BAG6: variants seen among roughly 807,000 people sequenced by gnomAD.
BAG6 encodes the protein large proline-rich protein BAG6.
In BAG6, 22 loss-of-function variants were observed where a neutral mutation model predicts 121.0. That is an observed-to-expected ratio of 0.18 (90% CI 0.13 to 0.26). The LOEUF (loss-of-function observed/expected upper bound fraction) is 0.26. Among genes scored for constraint, BAG6 ranks in the 10% least tolerant of loss-of-function variants. The pLI is 1.00. For missense variants in BAG6, 1,233 were observed against 1,537.7 expected, an observed-to-expected ratio of 0.80 and a Z score of 3.31; for synonymous variants, 583 against 584.6, an observed-to-expected ratio of 1.00 and a Z score of 0.04.
In BAG6 at chr6:31,643,038, T is replaced by C. The variant is rs761609461; in HGVS notation, c.1834A>G (p.Thr612Ala). ...SASAGTTNTATTAGPAPGGPA... is the reference protein window; with the variant it reads ...SASAGTTNTAATAGPAPGGPA... ...CCCCCAGGAGCGGGGCCAGCTGTGG[T>C]AGCTGTGTTGGTGGTGCCAGCACTG... The change falls in exon 15 of 26, where the codon ACC (threonine) becomes GCC (alanine). Residue 612 changes from threonine to alanine, a missense_variant. This residue lies in a region of BAG6 where 777 missense variants were observed against 861.4 expected (regional missense o/e 0.90). Transcript: ENST00000676615. 2 of 1,588,740 alleles carry C rather than the reference T, an allele frequency of 1.3e-6. No homozygotes were observed. Among genetic ancestry groups the C allele is most frequent in the Non-Finnish European group, 1.7e-6 (2 of 1,169,324 alleles).
At chr6:31,647,017 C>G (rs978616559) in intron 7 of BAG6, among the ~76,000 whole-genome samples, 3 of 152,126 alleles carry the variant, frequency 2.0e-5, no homozygotes, top group Admixed American at 6.5e-5. Flanking sequence ...TCATGATCCA[C>G]CCGCCTCGGC....
Position 31,644,487 on chromosome 6 carries a change from AC to A in BAG6, c.1447+37del, listed in dbSNP as rs1365908432. ...ACCCACTCAGCCCTTCCCTTTCTCT[AC>A]CCAGAGCTCAGCCTGCCCTGATGCC... On this transcript the variant is annotated intron_variant, in intron 11 of 25. Transcript: ENST00000676615. This position sits in a 1 kb window ranked among gnomAD's most constrained non-coding sequence, Gnocchi z 4.9. The A allele has an allele frequency of 6.3e-7, 1 of 1,591,022 alleles. No homozygotes were observed. The highest frequency in any genetic ancestry group is 2.2e-5 in the East Asian group (1 of 44,698).
chr6:31,648,233 T>A (rs976786472), intron 6 of BAG6, among the ~76,000 whole-genome samples: 4 of 152,022 alleles, frequency 2.6e-5, no homozygotes, highest in African/African-American at 9.7e-5. Context: ...CCAGGCTGGA[T>A]TGGAACTCCT....
At position 31,644,241 on chromosome 6, in the gene BAG6, C is replaced by A. The variant is rs1298393473; in HGVS notation, c.1556-47G>T. ...GACCGAAGAGGGCTGAGGGCCAGGCCCTTGCCAGCCAGCTGCCACCATGGA... is the reference window on the plus strand; with the variant it reads ...GACCGAAGAGGGCTGAGGGCCAGGCACTTGCCAGCCAGCTGCCACCATGGA... On this transcript the variant is annotated intron_variant, in intron 12 of 25. Transcript: ENST00000676615. The surrounding 1 kb of genome is among the most constrained non-coding windows in gnomAD (Gnocchi z 4.9). The A allele has an allele frequency of 6.3e-7, 1 of 1,580,336 alleles. No homozygotes were observed. The highest frequency in any genetic ancestry group is 1.4e-5 in the African/African-American group (1 of 74,018).
At position 31,649,357 on chromosome 6, in the gene BAG6, G is replaced by A; in HGVS notation, c.265C>T (p.Pro89Ser). 1 of 1,610,478 alleles carries A rather than the reference G, an allele frequency of 6.2e-7. No homozygotes were observed. The highest frequency in any genetic ancestry group is 8.5e-7 in the Non-Finnish European group (1 of 1,178,450). ...CCAGAAGGGAGGTGAGTCTGAGGAG[G>A]AGCCCGTTCCACCAGGTGGATAACC... is the stretch of plus-strand genomic sequence containing the variant. ...GKVIHLVERA[P>S]PQTHLPSGAS... The change falls in exon 4 of 26, where the codon CCT (proline) becomes TCT (serine). Residue 89 changes from proline (P) to serine (S), a missense_variant. By Grantham distance (74) the Pro-to-Ser change is moderately conservative (BLOSUM62 -1). This residue lies in a region of BAG6 where 777 missense variants were observed against 861.4 expected (regional missense o/e 0.90). Transcript: ENST00000676615.
At chr6:31,639,723 G>A in intron 24 of BAG6, 77 bp from the exon 25 acceptor site, 4 of 1,499,620 alleles carry the variant, frequency 2.7e-6, no homozygotes, top group Non-Finnish European at 2.7e-6. Context: ...CCCTTTCCAT[G>A]AGTCAACCAC....
rs769668526 is a variant in BAG6 at position 31,644,104 on chromosome 6, C to A, written c.1646G>T (p.Gly549Val). Residue 549 changes from glycine (G) to valine (V), a missense_variant, in exon 13 of 26, where the codon GGG becomes GTG. Gly to Val is a moderately radical substitution (Grantham distance 109, BLOSUM62 -3). Around this residue, in one of 7 missense-constraint regions of BAG6, gnomAD observed 777 missense variants for 861.4 expected, o/e 0.90. Coordinates refer to ENST00000676615, the MANE Select transcript of BAG6 (RefSeq NM_001387994.1). The surrounding 1 kb of genome is among the most constrained non-coding windows in gnomAD (Gnocchi z 4.9). ...PPQARPSHPG[G>V]PPVSGTLQGA... ...CACCAGTGTCCCAGAGACTGGGGGC[C>A]CTCCAGGATGGGAAGGCCGAGCCTG... 6.2e-7 allele frequency: 1 copy of A among 1,613,912 alleles called. No individual in the cohort carries two copies. The highest frequency in any genetic ancestry group is 8.5e-7 in the Non-Finnish European group (1 of 1,179,882).
rs771749273 is a variant in BAG6 at position 31,644,261 on chromosome 6, C to T, written c.1555+46G>A. Reference sequence around the variant, plus strand: ...CAGGCCCTTGCCAGCCAGCTGCCACCATGGACTGTGCCCTACCTCCCAAGC... The same window carrying T: ...CAGGCCCTTGCCAGCCAGCTGCCACTATGGACTGTGCCCTACCTCCCAAGC... On this transcript the variant is annotated intron_variant, in intron 12 of 25. Coordinates refer to ENST00000676615, the MANE Select transcript of BAG6 (RefSeq NM_001387994.1). This position sits in a 1 kb window ranked among gnomAD's most constrained non-coding sequence, Gnocchi z 4.9. 6.4e-7 allele frequency: 1 copy of T among 1,563,490 alleles called. No homozygotes were observed. Among genetic ancestry groups the T allele is most frequent in the South Asian group, 1.2e-5 (1 of 85,870 alleles).
chr6:31,644,392 G>A lies in BAG6; in HGVS notation c.1470C>T (p.Pro490=). ...QTLGSTLIQL[P]SLPPEFMHAV... is the part of the protein sequence containing the mutation. ...CGTGCATGAACTCAGGGGGCAGGGA[G>A]GGCAGCTGGATGAGGGTGGAGCCTG... The change falls in exon 12 of 26, where the codon CCC becomes CCT. Residue 490 remains proline (P), a synonymous_variant. Coordinates refer to ENST00000676615, the MANE Select transcript of BAG6 (RefSeq NM_001387994.1). This position sits in a 1 kb window ranked among gnomAD's most constrained non-coding sequence, Gnocchi z 4.9. 2.6e-6 allele frequency: 4 copies of A among 1,551,962 alleles called. No individual in the cohort carries two copies. Among genetic ancestry groups the A allele is most frequent in the South Asian group, 1.2e-5 (1 of 83,982 alleles).
chr6:31,642,550 G>T, intron 15 of BAG6, 147 bp from the exon 16 acceptor site: 1 of 632,486 alleles, frequency 1.6e-6, no homozygotes, highest in South Asian at 1.9e-5. Flanking sequence ...GCAGAAGTAT[G>T]GTAGGTATTT....
chr6:31,646,310 GGAAA>G lies in BAG6; in HGVS notation c.918+80_918+83del, dbSNP rs957825975. 7.5e-5 allele frequency: 116 copies of G among 1,537,538 alleles called. No homozygotes were observed. In the African/African-American group the frequency reaches 1.5e-3, roughly 20 times the overall value. On this transcript the variant is annotated intron_variant, in intron 8 of 25. Transcript: ENST00000676615. The stretch of plus-strand genomic sequence containing the variant: ...CCTGTTGCAATGTTTTTCCAGGGAG[GGAAA>G]GAGTTATCTGCATTTCAGCCTGTTC...
At chr6:31,648,218 G>T (rs911317797) in intron 6 of BAG6, among the ~76,000 whole-genome samples, 3 of 152,060 alleles carry the variant, frequency 2.0e-5, no homozygotes, top group Non-Finnish European at 4.4e-5. Flanking sequence ...GTTTCACCAT[G>T]TTGGCCAGGC....
At chr6:31,649,648 C>T (rs772450495) in intron 2 of BAG6, 21 bp from the exon 3 acceptor site, 2 of 1,598,752 alleles carry the variant, frequency 1.3e-6, no homozygotes, top group Non-Finnish European at 1.7e-6. Flanking sequence ...GAGGCATGCA[C>T]AGGAATGGAA....
chr6:31,642,115 G>C lies in BAG6; in HGVS notation c.2332C>G (p.Leu778Val), dbSNP rs745957031. 3.7e-6 allele frequency: 6 copies of C among 1,611,044 alleles called. No individual in the cohort carries two copies. The South Asian group carries it at 6.6e-5, about 18-fold the overall frequency. ...CCAAAGCATCCTTTTTGCTCACCAAGGGCCCCATCAGCTCCAGGCTCAAAG... is the reference window on the plus strand; with the variant it reads ...CCAAAGCATCCTTTTTGCTCACCAACGGCCCCATCAGCTCCAGGCTCAAAG... ...NIFEPGADGA[L>V]GFFGALLSLL... Residue 778 changes from leucine (L) to valine (V), a missense_variant, in exon 16 of 26, where the codon CTT becomes GTT. Around this residue, in one of 7 missense-constraint regions of BAG6, gnomAD observed 288 missense variants for 483.1 expected, o/e 0.60. Coordinates refer to ENST00000676615, the MANE Select transcript of BAG6 (RefSeq NM_001387994.1).
Position 31,640,130 on chromosome 6 carries a change from A to G in BAG6, c.3246+69T>C, listed in dbSNP as rs922261963. On this transcript the variant is annotated intron_variant, in intron 24 of 25. Transcript: ENST00000676615. The surrounding 1 kb of genome is among the most constrained non-coding windows in gnomAD (Gnocchi z 4.2). ...TAACAAGAGCTCCCACCATCTCTAC[A>G]TAGTTTGATTCCAGGCATGACGGGG... 10 of 1,487,276 alleles carry G rather than the reference A, an allele frequency of 6.7e-6. No homozygotes were observed. The African/African-American group carries it at 6.9e-5, about 10-fold the overall frequency. 92.1% of individuals were successfully genotyped at this position (1,487,276 alleles called of 1,614,324 possible).
intron 14 of BAG6, among the ~76,000 whole-genome samples, chr6:31,643,666 G>A (rs2150780079): frequency 7.5e-6 from 1 of 133,684 alleles, no homozygotes; most frequent in East Asian, 2.4e-4. Context: ...AGAGGTTGCA[G>A]TGAGCCAAGA....
rs749290434 is a variant in BAG6 at position 31,641,911 on chromosome 6, C to A, written c.2370G>T (p.Gln790His). The change falls in exon 17 of 26, where the codon CAG becomes CAT. Residue 790 changes from glutamine (Q) to histidine (H), a missense_variant. Gln to His is a conservative substitution (Grantham distance 24). This residue lies in a region of BAG6 where 288 missense variants were observed against 483.1 expected (regional missense o/e 0.60). Transcript: ENST00000676615. The surrounding 1 kb of genome is among the most constrained non-coding windows in gnomAD (Gnocchi z 5.7). The stretch of plus-strand genomic sequence containing the variant: ...TCACTACGTCCACCATAGAGAAGTT[C>A]TGGCACAGAAGAGAAAGCAAGGCCC... ...FFGALLSLLC[Q>H]NFSMVDVVML... is the part of the protein sequence containing the mutation. The A allele has an allele frequency of 6.2e-7, 1 of 1,612,964 alleles. No homozygotes were observed. The highest frequency in any genetic ancestry group is 1.1e-5 in the South Asian group (1 of 91,072).
Position 31,644,328 on chromosome 6 carries a change from C to T in BAG6, c.1534G>A (p.Ala512Thr). The T allele has an allele frequency of 1.9e-6, 3 of 1,551,788 alleles. No individual in the cohort carries two copies. Among genetic ancestry groups the T allele is most frequent in the Non-Finnish European group, 2.6e-6 (3 of 1,147,174 alleles). Residue 512 changes from alanine (A) to threonine (T), a missense_variant, in exon 12 of 26, where the codon GCT becomes ACT. By Grantham distance (58) the Ala-to-Thr change is moderately conservative. Coordinates refer to ENST00000676615, the MANE Select transcript of BAG6 (RefSeq NM_001387994.1). The surrounding 1 kb of genome is among the most constrained non-coding windows in gnomAD (Gnocchi z 4.9). ...TTACCTGCGGCCGCGGAGGCAACAG[C>T]TGCCACCATGGCCTGATGAGTGATC... ...HQITHQAMVA[A>T]VASAAAGQQV... is the part of the protein sequence containing the mutation.
intron 25 of BAG6, 84 bp from the exon 26 acceptor site, chr6:31,639,310 G>A: frequency 2.7e-6 from 4 of 1,470,422 alleles, no homozygotes; most frequent in Non-Finnish European, 3.8e-6. Flanking sequence ...TCCCTCAGAA[G>A]CTAACATTTC....
Sources: gnomAD v4.1 joint callset for allele counts (sites outside exome capture counted in the v4.1 genomes callset) on GRCh38, gnomAD v4.1.1 for gene constraint, gnomAD v4.1.1 regional missense constraint, Gnocchi (gnomAD v3.1) non-coding constraint, MANE v1.5 for transcripts, NCBI Gene and HGNC (gene_info 2026-07-23, HGNC 2026-07-21) for gene names.